SLCO1B3: variants seen among roughly 807,000 people sequenced by gnomAD.
SLCO1B3 encodes the protein liver-specific organic anion transporter 2.
In SLCO1B3, 72 loss-of-function variants were observed where a neutral mutation model predicts 71.8. The observed-to-expected ratio is 1.00, with a 90% CI of 0.83 to 1.22. The LOEUF is 1.22. Ranked by LOEUF, SLCO1B3 falls within the 50% of genes most tolerant of loss-of-function variation. The pLI, the probability that SLCO1B3 is intolerant of heterozygous loss-of-function variation, is 0.00. For missense variants in SLCO1B3, 911 were observed against 819.7 expected (o/e 1.11, Z -1.36); for synonymous variants, 298 against 278.4 (o/e 1.07, Z -0.70).
chr12:20,860,754 G>C (rs1409398276), intron 5 of SLCO1B3, among the ~76,000 whole-genome samples: 2 of 152,000 alleles, frequency 1.3e-5, no homozygotes, highest in Non-Finnish European at 2.9e-5. Flanking sequence ...ATCTTGACCA[G>C]ATTATAAGCA....
intron 3 of SLCO1B3, among the ~76,000 whole-genome samples, chr12:20,831,452 G>C (rs1486424096): frequency 6.6e-6 from 1 of 150,582 alleles, no homozygotes; most frequent in African/African-American, 2.4e-5. Context: ...ATCTACAAGT[G>C]ATGTTTAAAG....
chr12:20,886,336 G>T (rs1025124123), intron 13 of SLCO1B3, among the ~76,000 whole-genome samples: 1 of 152,032 alleles, frequency 6.6e-6, no homozygotes, highest in Non-Finnish European at 1.5e-5. Flanking sequence ...CAAATCTAGA[G>T]TTGGCAATAT....
chr12:20,864,467 T>G (rs1278051602), intron 8 of SLCO1B3, among the ~76,000 whole-genome samples: 2 of 152,200 alleles, frequency 1.3e-5, no homozygotes, highest in African/African-American at 4.8e-5. Context: ...TAGCCATTAT[T>G]GTAGGCCAAG....
At chr12:20,858,736 T>A in intron 5 of SLCO1B3, 165 bp downstream of exon 5, 1 of 445,298 alleles carries the variant, frequency 2.2e-6, no homozygotes, top group Non-Finnish European at 3.8e-6. Context: ...CATGTATTGC[T>A]TTATTCATCA....
intron 3 of SLCO1B3, among the ~76,000 whole-genome samples, chr12:20,821,492 G>C (rs1864305808): frequency 6.6e-6 from 1 of 152,172 alleles, no homozygotes; most frequent in African/African-American, 2.4e-5. Context: ...CCAGAGAAAA[G>C]AGTAGAGACA....
chr12:20,893,610 G>A (rs1039056884), intron 13 of SLCO1B3, among the ~76,000 whole-genome samples: 3 of 152,164 alleles, frequency 2.0e-5, no homozygotes, highest in Non-Finnish European at 4.4e-5. Context: ...GTCATTGGGA[G>A]TAAGCCAGGC....
intron 3 of SLCO1B3, among the ~76,000 whole-genome samples, chr12:20,826,128 C>T (rs1040968323): frequency 3.3e-5 from 5 of 151,624 alleles, no homozygotes; most frequent in African/African-American, 4.8e-5. Flanking sequence ...GAGTGTGTTC[C>T]GGGTGATAAA....
intron 3 of SLCO1B3, among the ~76,000 whole-genome samples, chr12:20,850,380 C>T (rs1039064302): frequency 5.3e-5 from 8 of 151,556 alleles, no homozygotes; most frequent in African/African-American, 1.5e-4. Flanking sequence ...CCCGGGATCA[C>T]GCCATTCTCC....
chr12:20,847,235 A>T, intron 3 of SLCO1B3, among the ~76,000 whole-genome samples: 1 of 152,208 alleles, frequency 6.6e-6, no homozygotes, highest in South Asian at 2.1e-4. Context: ...AAAAATAGCT[A>T]AAATAAAAAT....
intron 3 of SLCO1B3, among the ~76,000 whole-genome samples, chr12:20,821,027 T>C (rs1414154378): frequency 6.6e-6 from 1 of 151,772 alleles, no homozygotes; most frequent in African/African-American, 2.4e-5. Flanking sequence ...TGAGGAAGAA[T>C]TGGGAACTAG....
chr12:20,860,081 G>A (rs887222746), intron 5 of SLCO1B3, among the ~76,000 whole-genome samples: 5 of 148,924 alleles, frequency 3.4e-5, no homozygotes, highest in South Asian at 2.1e-4. Flanking sequence ...TCAGCCTCCC[G>A]AGTAGCTGGG....
chr12:20,871,097 T>C (rs572314448), intron 8 of SLCO1B3, among the ~76,000 whole-genome samples: 1 of 152,312 alleles, frequency 6.6e-6, no homozygotes, highest in East Asian at 1.9e-4. Context: ...CACTATTTTG[T>C]TGAGGATATT....
At chr12:20,894,809 A>G (rs1443555244) in intron 13 of SLCO1B3, among the ~76,000 whole-genome samples, 1 of 152,164 alleles carries the variant, frequency 6.6e-6, no homozygotes, top group Non-Finnish European at 1.5e-5. Flanking sequence ...CCTAAATAGC[A>G]GGCATGGATT....
intron 8 of SLCO1B3, among the ~76,000 whole-genome samples, chr12:20,872,662 C>T (rs971514281): frequency 6.6e-6 from 1 of 151,982 alleles, no homozygotes; most frequent in Non-Finnish European, 1.5e-5. Flanking sequence ...ATAAATGCTG[C>T]CAGGAGTGGG....
chr12:20,913,702 G>A (rs1175995243), intron 15 of SLCO1B3, among the ~76,000 whole-genome samples: 3 of 152,076 alleles, frequency 2.0e-5, no homozygotes, highest in Non-Finnish European at 2.9e-5. Context: ...TTTAAAGTGA[G>A]TTTCTTGTAG....
intron 3 of SLCO1B3, among the ~76,000 whole-genome samples, chr12:20,822,163 C>T (rs988272231): frequency 3.9e-5 from 6 of 152,244 alleles, no homozygotes; most frequent in Middle Eastern, 3.4e-3. Context: ...GGAGGTCCCC[C>T]GATCCAAGTC....
intron 13 of SLCO1B3, among the ~76,000 whole-genome samples, chr12:20,896,700 C>T (rs1374510969): frequency 6.6e-6 from 1 of 152,176 alleles, no homozygotes; most frequent in East Asian, 1.9e-4. Context: ...TACCCAGTTC[C>T]AAGGTCACTT....
intron 3 of SLCO1B3, among the ~76,000 whole-genome samples, chr12:20,824,002 T>G (rs1864372368): frequency 6.6e-6 from 1 of 152,110 alleles, no homozygotes; most frequent in Non-Finnish European, 1.5e-5. Context: ...TAAAAGAAAA[T>G]ATATTCTTAT....
At chr12:20,898,656 G>A (rs1866067248) in intron 14 of SLCO1B3, among the ~76,000 whole-genome samples, 156 bp downstream of exon 14, 1 of 152,154 alleles carries the variant, frequency 6.6e-6, no homozygotes, top group Admixed American at 6.6e-5. Context: ...AAAGGAACGG[G>A]AAAATTGAGT....
Sources: allele counts gnomAD v4.1 joint callset (sites outside exome capture counted in the v4.1 genomes callset), GRCh38; gene constraint gnomAD v4.1.1; transcripts MANE v1.5; gene names NCBI Gene and HGNC (gene_info 2026-07-23, HGNC 2026-07-21).